Variants in SUMF1 observed in about 807,000 individuals in gnomAD.
SUMF1 encodes sulfatase modifying factor 1.
In SUMF1, 48 loss-of-function variants were observed where a neutral mutation model predicts 47.6. The ratio of observed to expected loss-of-function variants is 1.01; its 90% CI spans 0.80 to 1.28. SUMF1 has a LOEUF of 1.28. SUMF1 is among the 50% of genes most tolerant of loss of function. The pLI, the probability that SUMF1 is intolerant of heterozygous loss-of-function variation, is 0.00. For missense variants in SUMF1, 571 were observed against 485.4 expected, an observed-to-expected ratio of 1.18 and a Z score of -1.66; for synonymous variants, 230 against 192.1, an observed-to-expected ratio of 1.20 and a Z score of -1.63.
intron 8 of SUMF1, among the ~76,000 whole-genome samples, chr3:4,286,665 A>G (rs1697639098): frequency 1.3e-5 from 2 of 152,174 alleles, no homozygotes; most frequent in African/African-American, 4.8e-5. Flanking sequence ...TATTACAAAT[A>G]AGTTTCGCAA....
At chr3:4,163,866 G>A (rs1048879675) in intron 8 of SUMF1, among the ~76,000 whole-genome samples, 22 of 152,204 alleles carry the variant, frequency 1.4e-4, no homozygotes, top group Middle Eastern at 3.4e-3. Flanking sequence ...AATTACCTTG[G>A]AAAGGAGTGG....
chr3:4,427,314 C>A (rs1469369203), intron 3 of SUMF1, among the ~76,000 whole-genome samples: 1 of 152,080 alleles, frequency 6.6e-6, no homozygotes, highest in African/African-American at 2.4e-5. Flanking sequence ...TAAAAACAAC[C>A]CGGGAGAATT....
intron 9 of SUMF1, among the ~76,000 whole-genome samples, chr3:4,036,357 A>G (rs1022255982): frequency 2.0e-5 from 3 of 152,156 alleles, no homozygotes; most frequent in Non-Finnish European, 4.4e-5. Context: ...TGCCTGGGGC[A>G]AGAACTCTGC....
In SUMF1 at chr3:4,289,103, T is replaced by C. The variant is rs73806981; in HGVS notation, c.1014+87227A>G. 6.3e-3 allele frequency among the ~76,000 whole-genome samples: 953 copies of C among 152,180 alleles called. 14 individuals carry two copies. The highest frequency in any genetic ancestry group is 0.022 in the African/African-American group (919 of 41,502). ...AGAGTGAGGGCTATTTTAAACCCTA[T>C]CCCAGCCAAACCAGAACTGAACAAC... On this transcript the variant is annotated intron_variant and NMD_transcript_variant, in intron 8 of 12. Coordinates refer to the SUMF1 transcript ENST00000448413.
intron 8 of SUMF1, among the ~76,000 whole-genome samples, chr3:4,266,305 A>G (rs1230948175): frequency 1.3e-5 from 2 of 152,290 alleles, no homozygotes; most frequent in Middle Eastern, 3.4e-3. Context: ...CAATGAATCT[A>G]TAAATTACCT....
intron 8 of SUMF1, among the ~76,000 whole-genome samples, chr3:4,096,909 T>C (rs1368111889): frequency 6.6e-6 from 1 of 152,064 alleles, no homozygotes; most frequent in African/African-American, 2.4e-5. Context: ...CCCTTTTATC[T>C]TTAAAGAGAA....
At chr3:4,360,496 T>C (rs937513953), downstream of SUMF1, among the ~76,000 whole-genome samples, 3 of 151,972 alleles carry the variant, frequency 2.0e-5, no homozygotes, top group African/African-American at 7.3e-5. Context: ...TGGCTAAATT[T>C]TATTTTTTGT....
Position 4,111,633 on chromosome 3 carries a change from G to A in SUMF1, c.1015-42888C>T, listed in dbSNP as rs138236351. ...TCTAGTAGTTAGTCCCAGTTACTCC[G>A]GAGGCTGAGGCAAGACAATCGATTG... On this transcript the variant is annotated intron_variant and NMD_transcript_variant, in intron 8 of 12. Transcript: ENST00000448413. Among the ~76,000 whole-genome samples the A allele has an allele frequency of 4.2e-4, 64 of 152,064 alleles. 1 individual carries two copies. The highest frequency in any genetic ancestry group is 3.4e-3 in the Middle Eastern group (1 of 294).
rs755989487 is a variant in SUMF1, at chr3:4,467,237, C to T, written c.9G>A (p.Ala3=). MA[A]PALGLVCGRC... is the part of the protein sequence containing the mutation. Reference sequence around the variant, plus strand: ...GTCCACACACCAGCCCTAGTGCGGGCGCAGCCATGTTGTCCCGCGGGCCAT... The same window carrying T: ...GTCCACACACCAGCCCTAGTGCGGGTGCAGCCATGTTGTCCCGCGGGCCAT... Residue 3 remains alanine, a synonymous_variant, in exon 1 of 9, where the codon GCG becomes GCA. Coordinates refer to ENST00000272902, the MANE Select transcript of SUMF1 (RefSeq NM_182760.4). 5.6e-6 allele frequency: 9 copies of T among 1,608,940 alleles called. No homozygotes were observed. The East Asian group carries it at 1.6e-4, about 28-fold the overall frequency.
chr3:4,275,175 T>A (rs1697386267), intron 8 of SUMF1, among the ~76,000 whole-genome samples: 1 of 152,152 alleles, frequency 6.6e-6, no homozygotes, highest in Non-Finnish European at 1.5e-5. Context: ...GAAAAAGACC[T>A]GATCGTGGTA....
chr3:4,368,268 A>T (rs890720607), intron 8 of SUMF1, among the ~76,000 whole-genome samples: 1 of 152,250 alleles, frequency 6.6e-6, no homozygotes, highest in African/African-American at 2.4e-5. Flanking sequence ...AGAGAAATGC[A>T]AATCAAAACC....
Position 4,293,001 on chromosome 3 carries a change from AAACT to A in SUMF1, c.1014+83325_1014+83328del, listed in dbSNP as rs534369239. On this transcript the variant is annotated intron_variant and NMD_transcript_variant, in intron 8 of 12. Transcript: ENST00000448413. ...CGTGAAATTTAATCTTCCAGAGCTC[AAACT>A]AACAAAGCAAAGATGTTTGAAAATA... Among the ~76,000 whole-genome samples the A allele has an allele frequency of 6.8e-3, 1,036 of 152,306 alleles. 10 individuals are homozygous for A. Among genetic ancestry groups the A allele is most frequent in the African/African-American group, 0.024 (983 of 41,574 alleles).
chr3:4,419,042 A>C (rs1701809031), intron 4 of SUMF1, among the ~76,000 whole-genome samples: 10 of 152,212 alleles, frequency 6.6e-5, no homozygotes, highest in Non-Finnish European at 1.5e-5. Flanking sequence ...ATCATGTGCC[A>C]GTCACTGTTT....
At chr3:4,259,564 T>C (rs1361591189) in intron 8 of SUMF1, among the ~76,000 whole-genome samples, 4 of 152,290 alleles carry the variant, frequency 2.6e-5, no homozygotes, top group Non-Finnish European at 5.9e-5. Flanking sequence ...TTTATTTTTA[T>C]TTTATTTGTT....
At chr3:4,168,812 C>T (rs766586666) in intron 8 of SUMF1, among the ~76,000 whole-genome samples, 119 of 152,224 alleles carry the variant, frequency 7.8e-4, no homozygotes, top group Non-Finnish European at 5.3e-4. Flanking sequence ...TAGCACAGTG[C>T]TGAACACCCA....
At position 4,158,453 on chromosome 3, in the gene SUMF1, T is replaced by C. The variant is rs1694503209; in HGVS notation, c.1015-89708A>G. Among the ~76,000 whole-genome samples, 3 of 151,588 alleles carry C rather than the reference T, an allele frequency of 2.0e-5. No homozygotes were observed. In the South Asian group the frequency reaches 6.2e-4, roughly 31 times the overall value. On this transcript the variant is annotated intron_variant and NMD_transcript_variant, in intron 8 of 12. Coordinates refer to the SUMF1 transcript ENST00000448413. ...CATTGGATAAAATGTTATATAAATA[T>C]CTATTAGGTCCATTTGTTCTATAAG... is the stretch of plus-strand genomic sequence containing the variant.
At chr3:4,048,354 G>C (rs987418476) in intron 9 of SUMF1, among the ~76,000 whole-genome samples, 6 of 152,116 alleles carry the variant, frequency 3.9e-5, no homozygotes, top group Admixed American at 2.0e-4. Flanking sequence ...GCTTATGTTA[G>C]TCTTACAACT....
chr3:4,197,388 A>G (rs1695452129), intron 8 of SUMF1, among the ~76,000 whole-genome samples: 1 of 152,160 alleles, frequency 6.6e-6, no homozygotes, highest in Non-Finnish European at 1.5e-5. Flanking sequence ...GGTGTGAGCC[A>G]GTGCACCCAG....
chr3:4,337,425 C>T (rs1699177717), intron 8 of SUMF1, among the ~76,000 whole-genome samples: 1 of 151,972 alleles, frequency 6.6e-6, no homozygotes, highest in Non-Finnish European at 1.5e-5. Flanking sequence ...ACTGGATGAC[C>T]ATCTCTACCA....
Sources: allele counts gnomAD v4.1 joint callset (sites outside exome capture counted in the v4.1 genomes callset), GRCh38; gene constraint gnomAD v4.1.1; transcripts MANE v1.5; gene names NCBI Gene and HGNC (gene_info 2026-07-23, HGNC 2026-07-21).